Variants in NELL1 observed in about 807,000 individuals in gnomAD.
NELL1 encodes protein kinase C-binding protein NELL1.
NELL1 carries 76 observed loss-of-function variants against 107.4 expected under a neutral mutation model. The ratio of observed to expected loss-of-function variants is 0.71; its 90% CI spans 0.59 to 0.86. NELL1 has a LOEUF of 0.86. Ranked by LOEUF, NELL1 falls within the 40% of genes least tolerant of loss-of-function variation. The pLI, the probability that NELL1 is intolerant of heterozygous loss-of-function variation, is 0.00. For synonymous variants in NELL1, 353 were observed against 341.2 expected (o/e 1.03, Z -0.38); for missense variants, 1,024 against 1,005.5 (o/e 1.02, Z -0.25).
chr11:20,835,088 G>C (rs1848508788), intron 3 of NELL1, among the ~76,000 whole-genome samples: 1 of 152,060 alleles, frequency 6.6e-6, no homozygotes, highest in African/African-American at 2.4e-5. Context: ...CTTCCTCCAT[G>C]TTTTTACATT....
At chr11:21,242,487 G>A (rs1858389264) in intron 14 of NELL1, among the ~76,000 whole-genome samples, 1 of 152,136 alleles carries the variant, frequency 6.6e-6, no homozygotes, top group South Asian at 2.1e-4. Flanking sequence ...GGAAGCAGGG[G>A]AGAACACAGA....
chr11:21,444,310 A>G (rs770691725), intron 15 of NELL1, among the ~76,000 whole-genome samples: 3 of 152,100 alleles, frequency 2.0e-5, no homozygotes, highest in Admixed American at 6.5e-5. Flanking sequence ...TGAAATACAT[A>G]TATTTCATCT....
At chr11:21,448,977 G>T (rs894761051) in intron 15 of NELL1, among the ~76,000 whole-genome samples, 1 of 152,024 alleles carries the variant, frequency 6.6e-6, no homozygotes, top group African/African-American at 2.4e-5. Flanking sequence ...GACATTTGTT[G>T]TTTCCAGTTT....
intron 4 of NELL1, among the ~76,000 whole-genome samples, chr11:20,883,433 T>A (rs1024127579): frequency 6.6e-6 from 1 of 152,238 alleles, no homozygotes; most frequent in Non-Finnish European, 1.5e-5. Context: ...TTGGAGCTTA[T>A]CTTCTAGCCT....
At chr11:21,164,511 A>G (rs572495062) in intron 13 of NELL1, among the ~76,000 whole-genome samples, 45 of 152,274 alleles carry the variant, frequency 3.0e-4, no homozygotes, top group Admixed American at 2.7e-3. Context: ...CCAAAGTGAC[A>G]TTTATTGGCT....
At chr11:20,839,700 T>C (rs1590340008) in intron 3 of NELL1, among the ~76,000 whole-genome samples, 1 of 152,334 alleles carries the variant, frequency 6.6e-6, no homozygotes, top group East Asian at 1.9e-4. Flanking sequence ...ACACATGGAT[T>C]GAATGGCAGA....
At chr11:21,032,843 C>G (rs1410314245) in intron 12 of NELL1, among the ~76,000 whole-genome samples, 1 of 152,192 alleles carries the variant, frequency 6.6e-6, no homozygotes, top group Non-Finnish European at 1.5e-5. Context: ...GTAGGCTTTG[C>G]TCATCATTCT....
At chr11:20,942,234 G>C (rs1036032452) in intron 10 of NELL1, among the ~76,000 whole-genome samples, 2 of 152,274 alleles carry the variant, frequency 1.3e-5, no homozygotes, top group South Asian at 4.1e-4. Context: ...GTACCCTAAA[G>C]GTTAGCTTCC....
rs185069417 is a variant in NELL1 at position 21,491,729 on chromosome 11, C to G, written c.1646-42645C>G. On this transcript the variant is annotated intron_variant, in intron 15 of 19. Coordinates refer to ENST00000357134, the MANE Select transcript of NELL1 (RefSeq NM_006157.5). ...CTTTAAAGTAGTTTTTTCCAATTCT[C>G]TGAAGAAAGTCATTGGTAGCTTGAT... is the stretch of plus-strand genomic sequence containing the variant. 4.9e-3 allele frequency among the ~76,000 whole-genome samples: 746 copies of G among 151,998 alleles called. 6 individuals carry two copies. Among genetic ancestry groups the G allele is most frequent in the African/African-American group, 0.015 (626 of 41,476 alleles).
chr11:20,770,552 A>T (rs1473653171), intron 2 of NELL1, among the ~76,000 whole-genome samples: 1 of 152,210 alleles, frequency 6.6e-6, no homozygotes, highest in Non-Finnish European at 1.5e-5. Context: ...CTGAATGCAC[A>T]AACACCCTGT....
intron 12 of NELL1, among the ~76,000 whole-genome samples, chr11:21,016,409 C>A (rs1852564844): frequency 6.6e-6 from 1 of 152,032 alleles, no homozygotes; most frequent in Non-Finnish European, 1.5e-5. Flanking sequence ...GCTCCCCAAA[C>A]TCCCAAGCAG....
chr11:20,802,289 A>G (rs1450818480), intron 3 of NELL1, among the ~76,000 whole-genome samples: 2 of 152,052 alleles, frequency 1.3e-5, no homozygotes, highest in African/African-American at 4.8e-5. Context: ...AGTTTTCTGT[A>G]TAGAGATCTT....
At chr11:20,768,723 A>G (rs536454107) in intron 2 of NELL1, among the ~76,000 whole-genome samples, 7 of 152,282 alleles carry the variant, frequency 4.6e-5, no homozygotes, top group South Asian at 2.1e-4. Context: ...ATAAGATTCT[A>G]TGCTGCTTGT....
At chr11:21,404,328 C>T (rs1263780725) in intron 15 of NELL1, among the ~76,000 whole-genome samples, 1 of 151,884 alleles carries the variant, frequency 6.6e-6, no homozygotes, top group African/African-American at 2.4e-5. Context: ...TCTTGCTGTC[C>T]TTCAGTCAGT....
intron 12 of NELL1, among the ~76,000 whole-genome samples, chr11:21,052,115 T>A (rs1590587584): frequency 1.3e-5 from 2 of 151,884 alleles, no homozygotes; most frequent in Admixed American, 1.3e-4. Flanking sequence ...GAAGGGTGTT[T>A]CAGGCTGAAG....
intron 15 of NELL1, among the ~76,000 whole-genome samples, chr11:21,498,817 G>A (rs1855057999): frequency 6.6e-6 from 1 of 152,004 alleles, no homozygotes; most frequent in African/African-American, 2.4e-5. Context: ...GGTGCAGGCT[G>A]ACGTTTTACA....
chr11:21,008,800 A>G (rs1023796505), intron 12 of NELL1, among the ~76,000 whole-genome samples: 1 of 152,130 alleles, frequency 6.6e-6, no homozygotes, highest in Admixed American at 6.6e-5. Flanking sequence ...CTAGTAACTC[A>G]TTAACATGCA....
chr11:21,017,690 C>T (rs1044010558), intron 12 of NELL1, among the ~76,000 whole-genome samples: 1 of 152,128 alleles, frequency 6.6e-6, no homozygotes, highest in African/African-American at 2.4e-5. Context: ...CTATTCTATA[C>T]ACCCTTATTG....
chr11:21,024,256 C>G (rs1325139397), intron 12 of NELL1, among the ~76,000 whole-genome samples: 6 of 152,108 alleles, frequency 3.9e-5, no homozygotes, highest in Admixed American at 3.9e-4. Context: ...AAAATACCTT[C>G]TACATTGATT....
Sources: allele counts gnomAD v4.1 joint callset (sites outside exome capture counted in the v4.1 genomes callset), GRCh38; gene constraint gnomAD v4.1.1; transcripts MANE v1.5; gene names NCBI Gene and HGNC (gene_info 2026-07-23, HGNC 2026-07-21).